GRIK4: variants seen among roughly 807,000 people sequenced by gnomAD.
GRIK4 encodes glutamate receptor ionotropic, kainate 4.
A neutral mutation model predicts 104.9 loss-of-function variants in GRIK4; 40 were observed. The observed-to-expected ratio is 0.38, with a 90% confidence interval of 0.30 to 0.50. The LOEUF (loss-of-function observed/expected upper bound fraction) is 0.50. Among genes scored for constraint, GRIK4 ranks in the 20% least tolerant of loss-of-function variants. The probability of loss-of-function intolerance (pLI) is 0.93; values close to 1 mark genes in which losing one functional copy is unlikely to be tolerated. For synonymous variants in GRIK4, 485 were observed against 524.9 expected (o/e 0.92, Z 1.04); for missense variants, 1,047 against 1,308.1 (o/e 0.80, Z 3.08).
intron 13 of GRIK4, among the ~76,000 whole-genome samples, chr11:120,929,404 C>A (rs1276475258): frequency 6.6e-6 from 1 of 152,038 alleles, no homozygotes; most frequent in Non-Finnish European, 1.5e-5. Flanking sequence ...CCCTGCAGCT[C>A]GGTGACCCCA....
intron 11 of GRIK4, among the ~76,000 whole-genome samples, chr11:120,877,781 G>C (rs1198713596): frequency 6.6e-6 from 1 of 152,164 alleles, no homozygotes; most frequent in Non-Finnish European, 1.5e-5. Context: ...GGAACAGTTA[G>C]GAGAACATGA....
At chr11:120,860,562 C>T (rs1403647031) in intron 8 of GRIK4, among the ~76,000 whole-genome samples, 1 of 152,166 alleles carries the variant, frequency 6.6e-6, no homozygotes, top group Non-Finnish European at 1.5e-5. Flanking sequence ...AGTCCCTCAC[C>T]CCAAGTCCCA....
At chr11:120,620,077 T>G (rs1250696498) in intron 1 of GRIK4, 6 of 686,136 alleles carry the variant, frequency 8.7e-6, no homozygotes, top group Non-Finnish European at 1.6e-5. Flanking sequence ...TGAAGGTACC[T>G]CTCTAAAACT....
At chr11:120,630,549 C>G (rs903688703) in intron 1 of GRIK4, among the ~76,000 whole-genome samples, 4 of 152,166 alleles carry the variant, frequency 2.6e-5, no homozygotes, top group Non-Finnish European at 5.9e-5. Flanking sequence ...AAGCAGACGC[C>G]GGCCTCCTCT....
rs1942837708 is a variant in GRIK4, at chr11:120,905,165, C to T, written c.1273-125C>T. On this transcript the variant is annotated intron_variant, in intron 12 of 20. Coordinates refer to ENST00000527524, the MANE Select transcript of GRIK4 (RefSeq NM_014619.5). This position sits in a 1 kb window ranked among gnomAD's most constrained non-coding sequence, Gnocchi z 5.1. The stretch of plus-strand genomic sequence containing the variant: ...TCATCACCCCAAAGTAGCCCATTAC[C>T]CACGTCAGTTTCCTCCTTCTGCCCC... The T allele has an allele frequency of 1.4e-6, 1 of 736,306 alleles. No individual in the cohort carries two copies. The highest frequency in any genetic ancestry group is 1.7e-5 in the African/African-American group (1 of 58,708). 45.6% of individuals were successfully genotyped at this position (736,306 alleles called of 1,614,324 possible). A position where few individuals can be genotyped will look rare whatever the true frequency, so the allele number is the denominator to read the frequency against.
Position 120,952,779 on chromosome 11 carries a change from C to G in GRIK4, c.1591-76C>G. 1 of 984,078 alleles carries G rather than the reference C, an allele frequency of 1.0e-6. No homozygotes were observed. The highest frequency in any genetic ancestry group is 1.6e-6 in the Non-Finnish European group (1 of 606,764). The allele number at this position is 984,078 out of a possible 1,614,324, so 61.0% of individuals were successfully genotyped here. ...GCCAGACCCACACTCACTACCTCCTCTACCCCGCCCTGCCTGCCCCAAGGT... is the reference window on the plus strand; with the variant it reads ...GCCAGACCCACACTCACTACCTCCTGTACCCCGCCCTGCCTGCCCCAAGGT... On this transcript the variant is annotated intron_variant, in intron 14 of 20. Coordinates refer to ENST00000527524, the MANE Select transcript of GRIK4 (RefSeq NM_014619.5). The surrounding 1 kb of genome is among the most constrained non-coding windows in gnomAD (Gnocchi z 5.2).
intron 1 of GRIK4, among the ~76,000 whole-genome samples, chr11:120,546,584 G>A (rs574531301): frequency 1.3e-5 from 2 of 152,306 alleles, no homozygotes; most frequent in East Asian, 3.9e-4. Context: ...TGAGAGGGCT[G>A]CTCATAGCAT....
At chr11:120,730,575 T>G (rs1951110406) in intron 3 of GRIK4, among the ~76,000 whole-genome samples, 1 of 113,292 alleles carries the variant, frequency 8.8e-6, no homozygotes, top group African/African-American at 3.0e-5. Flanking sequence ...CATATACATT[T>G]TAGTTTTTTT....
chr11:120,700,299 G>T (rs1253083995), intron 3 of GRIK4, among the ~76,000 whole-genome samples: 6 of 127,912 alleles, frequency 4.7e-5, no homozygotes, highest in Non-Finnish European at 7.8e-5. Flanking sequence ...ATGGAGTCTC[G>T]CCCTGTCGCC....
chr11:120,711,045 T>TCAGGGTGGGCCATG (rs1181599050), intron 3 of GRIK4, among the ~76,000 whole-genome samples: 2 of 149,258 alleles, frequency 1.3e-5, no homozygotes, highest in African/African-American at 2.5e-5. Context: ...CCATTCCATC[T>TCAGGGTGGGCCATG]CAGGGTGGGC....
intron 1 of GRIK4, among the ~76,000 whole-genome samples, chr11:120,525,877 G>A (rs937068199): frequency 3.3e-5 from 5 of 152,134 alleles, no homozygotes; most frequent in African/African-American, 1.2e-4. Context: ...GGACAAGTTT[G>A]TTCATGTATC....
chr11:120,788,793 G>A (rs1251558752), intron 3 of GRIK4, among the ~76,000 whole-genome samples: 1 of 150,120 alleles, frequency 6.7e-6, no homozygotes, highest in Non-Finnish European at 1.5e-5. Flanking sequence ...TCCCCCCACC[G>A]ATTGTCCTAA....
chr11:120,736,727 C>A (rs1383831526), intron 3 of GRIK4, among the ~76,000 whole-genome samples: 2 of 151,942 alleles, frequency 1.3e-5, no homozygotes, highest in Non-Finnish European at 2.9e-5. Flanking sequence ...GGTTGTAGAT[C>A]TGGACTTGAA....
At chr11:120,904,280 C>T (rs1312702546) in intron 12 of GRIK4, among the ~76,000 whole-genome samples, 1 of 152,176 alleles carries the variant, frequency 6.6e-6, no homozygotes, top group Non-Finnish European at 1.5e-5. Flanking sequence ...GTTCCAAATC[C>T]TCCTCCCCTC....
intron 3 of GRIK4, among the ~76,000 whole-genome samples, chr11:120,764,927 A>G (rs190511326): frequency 1.3e-5 from 2 of 152,092 alleles, no homozygotes; most frequent in Admixed American, 1.3e-4. Flanking sequence ...TCTGACGATT[A>G]TGTGTCTTGG....
intron 3 of GRIK4, among the ~76,000 whole-genome samples, chr11:120,728,948 A>T (rs1388680332): frequency 6.6e-6 from 1 of 151,810 alleles, no homozygotes; most frequent in Non-Finnish European, 1.5e-5. Context: ...CCATCCTTCT[A>T]CTCTCTTTCT....
chr11:120,541,808 G>T (rs1211272282), intron 1 of GRIK4, among the ~76,000 whole-genome samples: 2 of 152,160 alleles, frequency 1.3e-5, no homozygotes. Flanking sequence ...CCCTTGAGAA[G>T]ATAAACGGAA....
At chr11:120,941,890 T>C (rs1226958296) in intron 14 of GRIK4, among the ~76,000 whole-genome samples, 5 of 152,222 alleles carry the variant, frequency 3.3e-5, no homozygotes, top group Non-Finnish European at 5.9e-5. Flanking sequence ...AAGCCACCAG[T>C]TGTGGTACTT....
At chr11:120,881,444 G>T (rs1423891587) in intron 11 of GRIK4, among the ~76,000 whole-genome samples, 6 of 152,210 alleles carry the variant, frequency 3.9e-5, no homozygotes. Context: ...GCCAGGCAAT[G>T]AGGAGAGGGC....
Sources: allele counts gnomAD v4.1 joint callset (sites outside exome capture counted in the v4.1 genomes callset), GRCh38; gene constraint gnomAD v4.1.1; non-coding constraint Gnocchi (gnomAD v3.1); transcripts MANE v1.5; gene names NCBI Gene and HGNC (gene_info 2026-07-23, HGNC 2026-07-21).